PER3: variants seen among roughly 807,000 people sequenced by gnomAD.
PER3 encodes period circadian regulator 3, also known as period circadian protein homolog 3.
In PER3, 107 loss-of-function variants were observed where a neutral mutation model predicts 127.2. The ratio of observed to expected loss-of-function variants is 0.84; its 90% CI spans 0.72 to 0.99. The LOEUF (loss-of-function observed/expected upper bound fraction) is 0.99. Ranked by LOEUF, PER3 falls within the 50% of genes least tolerant of loss-of-function variation. The probability of loss-of-function intolerance (pLI) is 0.00; values close to 1 mark genes in which losing one functional copy is unlikely to be tolerated. For missense variants in PER3, 1,560 were observed against 1,525.8 expected, an observed-to-expected ratio of 1.02 and a Z score of -0.37; for synonymous variants, 618 against 585.8, an observed-to-expected ratio of 1.05 and a Z score of -0.79.
chr1:7,812,508 C>A (rs2097223400), intron 13 of PER3, among the ~76,000 whole-genome samples: 1 of 151,050 alleles, frequency 6.6e-6, no homozygotes, highest in African/African-American at 2.4e-5. Flanking sequence ...GCCTCTAGTC[C>A]CAGCTACCTG....
chr1:7,828,220 C>G (rs1010189323), intron 18 of PER3, among the ~76,000 whole-genome samples: 1 of 152,184 alleles, frequency 6.6e-6, no homozygotes, highest in African/African-American at 2.4e-5. Flanking sequence ...GACAATTTAA[C>G]GATTGTACTT....
chr1:7,823,400 T>C (rs11121031), intron 16 of PER3, among the ~76,000 whole-genome samples: 37,706 of 152,050 alleles, frequency 0.25, 4,965 homozygotes, highest in South Asian at 0.29. Flanking sequence ...CCCAGCACTT[T>C]GGGAGGCCAA....
At position 7,824,182 on chromosome 1, in the gene PER3, T is replaced by C. The variant is rs373233919; in HGVS notation, c.1958-2298T>C. Among the ~76,000 whole-genome samples the C allele has an allele frequency of 6.6e-5, 10 of 152,324 alleles. No individual in the cohort carries two copies. In the South Asian group the frequency reaches 1.0e-3, roughly 16 times the overall value. ...AAAATGCCGTTAGAGAAGAAATGTC[T>C]CAAATCAATGATCTAAAGTTACAGT... On this transcript the variant is annotated intron_variant, in intron 16 of 21. Transcript: ENST00000377532.
At chr1:7,799,378 G>A (rs1242301591) in intron 7 of PER3, among the ~76,000 whole-genome samples, 2 of 152,320 alleles carry the variant, frequency 1.3e-5, no homozygotes, top group African/African-American at 4.8e-5. Context: ...GCCGAGGCGG[G>A]TGGATCATGA....
Position 7,818,280 on chromosome 1 carries a change from T to C in PER3, c.1523-1005T>C, listed in dbSNP as rs1264056383. Among the ~76,000 whole-genome samples the C allele has an allele frequency of 3.9e-5, 6 of 152,222 alleles. No individual in the cohort carries two copies. The East Asian group carries it at 1.2e-3, about 29-fold the overall frequency. ...GGTGATGGGCATATAGGAACTCTAT[T>C]GTACTATTTTTGCAACTCTTCAAGT... On this transcript the variant is annotated intron_variant, in intron 13 of 21. Transcript: ENST00000377532.
chr1:7,786,606 A>G lies in PER3; in HGVS notation c.275-115A>G, dbSNP rs561411573. On this transcript the variant is annotated intron_variant, in intron 3 of 21. Coordinates refer to ENST00000377532, the MANE Select transcript of PER3 (RefSeq NM_001377275.1). ...GCAGAAAATGATCTGTTTTTGAGAA[A>G]AATGCACTGAGGTGTTCTCATCCGA... The G allele has an allele frequency of 8.5e-6, 5 of 586,788 alleles. No homozygotes were observed. The African/African-American group carries it at 9.3e-5, about 11-fold the overall frequency. The allele number at this position is 586,788 out of a possible 1,614,324, so 36.3% of individuals were successfully genotyped here.
Position 7,784,773 on chromosome 1 carries a change from C to A in PER3, c.-105C>A. On this transcript the variant is annotated 5_prime_UTR_variant, in exon 2 of 22. Coordinates refer to ENST00000377532, the MANE Select transcript of PER3 (RefSeq NM_001377275.1). Reference sequence around the variant, plus strand: ...CCGCCTGTTCTCACTAACGCCATGGCGGGGACCGGAGTGAGAAACCGGTGT... The same window carrying A: ...CCGCCTGTTCTCACTAACGCCATGGAGGGGACCGGAGTGAGAAACCGGTGT... The A allele has an allele frequency of 1.6e-6, 2 of 1,227,534 alleles. No homozygotes were observed. The highest frequency in any genetic ancestry group is 1.1e-6 in the Non-Finnish European group (1 of 944,582). 76.0% of individuals were successfully genotyped at this position (1,227,534 alleles called of 1,614,324 possible).
At chr1:7,819,680 C>T (rs2097266854) in intron 14 of PER3, among the ~76,000 whole-genome samples, 1 of 152,152 alleles carries the variant, frequency 6.6e-6, no homozygotes, top group Admixed American at 6.5e-5. Context: ...TGGTGTAAGG[C>T]AAGCTTCTCC....
chr1:7,786,603 GA>G, intron 3 of PER3, 117 bp from the exon 4 acceptor site: 2 of 577,866 alleles, frequency 3.5e-6, no homozygotes, highest in Non-Finnish European at 3.2e-6. Context: ...CTGTTTTTGA[GA>G]AAAATGCACT....
At chr1:7,830,353 C>T (rs2097325528) in intron 19 of PER3, among the ~76,000 whole-genome samples, 192 bp downstream of exon 19, 1 of 152,058 alleles carries the variant, frequency 6.6e-6, no homozygotes, top group Admixed American at 6.5e-5. Context: ...GGGGTACAAA[C>T]AAGAATTCTG....
At chr1:7,787,422 C>A in intron 4 of PER3, 2 of 397,614 alleles carry the variant, frequency 5.0e-6, no homozygotes, top group Non-Finnish European at 9.9e-6. Context: ...GGAACGTGCG[C>A]AATCCCTAGT....
intron 21 of PER3, 159 bp from the exon 22 acceptor site, chr1:7,842,513 A>T (rs1558495398): frequency 2.0e-6 from 1 of 512,578 alleles, no homozygotes; most frequent in Non-Finnish European, 2.5e-6. Flanking sequence ...AAAAAAAATA[A>T]AAATAGTTAT....
rs934911969 is a variant in PER3 at position 7,784,981 on chromosome 1, G to A, written c.104G>A (p.Arg35Lys). Residue 35 changes from arginine to lysine, a missense_variant, in exon 2 of 22, where the codon AGG becomes AAG. By Grantham distance (26) the Arg-to-Lys change is conservative. Transcript: ENST00000377532. ...ERWSPEFHLQ[R>K]KLADSSHSEQ... Reference sequence around the variant, plus strand: ...TGGAGCCCCGAGTTCCATCTGCAGAGGAAATTGGCGGACAGCAGCCACAGG... The same window carrying A: ...TGGAGCCCCGAGTTCCATCTGCAGAAGAAATTGGCGGACAGCAGCCACAGG... The A allele has an allele frequency of 4.5e-6, 7 of 1,568,082 alleles. No individual in the cohort carries two copies. The highest frequency in any genetic ancestry group is 6.0e-6 in the Non-Finnish European group (7 of 1,164,232).
intron 18 of PER3, 28 bp downstream of exon 18, chr1:7,827,843 A>G (rs2097310231): frequency 5.3e-6 from 8 of 1,517,388 alleles, no homozygotes; most frequent in Non-Finnish European, 7.2e-6. Flanking sequence ...TCAACACTCA[A>G]GTGAGAAAGT....
chr1:7,827,154 G>T lies in PER3; in HGVS notation c.2225G>T (p.Cys742Phe). Residue 742 changes from cysteine (C) to phenylalanine (F), a missense_variant, in exon 18 of 22, where the codon TGC becomes TTC. Cys to Phe is a radical substitution (Grantham distance 205, BLOSUM62 -2). This residue lies in a region of PER3 where 1,332 missense variants were observed against 1,223.6 expected (regional missense o/e 1.09). Transcript: ENST00000377532. ...STSKQTRSAG[C>F]RKGKHKRKKL... ...TCCAAGCAGACGCGGTCGGCCGGCT[G>T]CAGGAAAGGGAAGCACAAGCGGAAG... 1.2e-6 allele frequency: 2 copies of T among 1,608,354 alleles called. No homozygotes were observed. Among genetic ancestry groups the T allele is most frequent in the South Asian group, 2.2e-5 (2 of 90,484 alleles).
intron 8 of PER3, 134 bp from the exon 9 acceptor site, chr1:7,802,913 G>A: frequency 1.5e-6 from 1 of 669,202 alleles, no homozygotes; most frequent in Non-Finnish European, 2.7e-6. Context: ...GTTCTTTGCT[G>A]TTTTTATAAA....
intron 21 of PER3, among the ~76,000 whole-genome samples, chr1:7,838,366 A>G (rs754781044): frequency 6.6e-6 from 1 of 151,914 alleles, no homozygotes; most frequent in Non-Finnish European, 1.5e-5. Context: ...TAACTTCCCC[A>G]TTCCTCCTTC....
chr1:7,823,774 A>T (rs228694), intron 16 of PER3, among the ~76,000 whole-genome samples: 1 of 152,022 alleles, frequency 6.6e-6, no homozygotes, highest in African/African-American at 2.4e-5. Flanking sequence ...CAGATGATCC[A>T]TACAACACTA....
At chr1:7,785,320 C>CCCTGTGGACTGATG in intron 2 of PER3, 121 bp from the exon 3 acceptor site, 1 of 757,590 alleles carries the variant, frequency 1.3e-6, no homozygotes, top group Non-Finnish European at 2.2e-6. Context: ...GGGGTCACCA[C>CCCTGTGGACTGATG]CCTGTGGACT....
Sources: allele counts gnomAD v4.1 joint callset (sites outside exome capture counted in the v4.1 genomes callset), GRCh38; gene constraint gnomAD v4.1.1; regional missense constraint gnomAD v4.1.1; transcripts MANE v1.5; gene names NCBI Gene and HGNC (gene_info 2026-07-23, HGNC 2026-07-21).